L2HGDH: variants seen among roughly 807,000 people sequenced by gnomAD.
The protein encoded by L2HGDH is L-2-hydroxyglutarate dehydrogenase, mitochondrial.
Under a neutral mutation model 51.5 loss-of-function variants are expected in L2HGDH, and 34 were observed. The ratio of observed to expected loss-of-function variants is 0.66; its 90% CI spans 0.50 to 0.88. The LOEUF (loss-of-function observed/expected upper bound fraction) is 0.88. L2HGDH is among the 40% of genes least tolerant of loss of function. The probability of loss-of-function intolerance (pLI) is 0.00; values close to 1 mark genes in which losing one functional copy is unlikely to be tolerated. For missense variants in L2HGDH, 558 were observed against 571.9 expected (o/e 0.98, Z 0.25); for synonymous variants, 198 against 197.9 (o/e 1.00, Z -0.01).
At chr14:50,289,893 C>T (rs554421539) in intron 4 of L2HGDH, among the ~76,000 whole-genome samples, 1 of 152,266 alleles carries the variant, frequency 6.6e-6, no homozygotes, top group Non-Finnish European at 1.5e-5. Context: ...CATTATACTG[C>T]TCACCTTATG....
chr14:50,312,229 C>A lies in L2HGDH; in HGVS notation c.-79G>T. The stretch of plus-strand genomic sequence containing the variant: ...ACGGCCGAGGACCCGCGCTCTTTAG[C>A]CCCGCCCCTCACGCGGGGGCCAATG... On this transcript the variant is annotated 5_prime_UTR_variant, in exon 1 of 10. Coordinates refer to ENST00000267436, the MANE Select transcript of L2HGDH (RefSeq NM_024884.3). The A allele has an allele frequency of 6.4e-7, 1 of 1,565,340 alleles. No individual in the cohort carries two copies. The highest frequency in any genetic ancestry group is 8.6e-7 in the Non-Finnish European group (1 of 1,158,340).
At position 50,296,372 on chromosome 14, in the gene L2HGDH, C is replaced by CAAAA. The variant is rs59868876; in HGVS notation, c.409-2130_409-2127dup. 1.0e-3 allele frequency among the ~76,000 whole-genome samples: 33 copies of CAAAA among 31,432 alleles called. 1 individual carries two copies. Among genetic ancestry groups the CAAAA allele is most frequent in the African/African-American group, 3.8e-3 (29 of 7,676 alleles). The allele number at this position is 31,432 out of a possible 152,430, so 20.6% of individuals were successfully genotyped here. Reference sequence around the variant, plus strand: ...TGGGTGACAAAGTGAGACCCTGTCTCAAAAAAAAAAAAAAAAAAAAAAAAA... The same window carrying CAAAA: ...TGGGTGACAAAGTGAGACCCTGTCTCAAAAAAAAAAAAAAAAAAAAAAAAAAAAA... On this transcript the variant is annotated intron_variant, in intron 3 of 9. Transcript: ENST00000267436.
chr14:50,277,915 G>A (rs1047113415), intron 6 of L2HGDH, among the ~76,000 whole-genome samples: 2 of 152,094 alleles, frequency 1.3e-5, no homozygotes, highest in Non-Finnish European at 2.9e-5. Flanking sequence ...ACTGTCCAGT[G>A]AATTCCAGCT....
chr14:50,291,551 A>C (rs1415002675), intron 4 of L2HGDH, among the ~76,000 whole-genome samples: 1 of 152,208 alleles, frequency 6.6e-6, no homozygotes. Context: ...AAGATGCTAT[A>C]ACCTCTGCAG....
chr14:50,243,448 G>A lies in L2HGDH; in HGVS notation c.*3610C>T. 13 of 879,268 alleles carry A rather than the reference G, an allele frequency of 1.5e-5. No homozygotes were observed. The highest frequency in any genetic ancestry group is 1.8e-5 in the Non-Finnish European group (13 of 733,918). The allele number at this position is 879,268 out of a possible 1,614,324, so 54.5% of individuals were successfully genotyped here. The stretch of plus-strand genomic sequence containing the variant: ...AATTTATTTGCATAAAAGTTTTTAT[G>A]GAACTAAAAAATATGTTCTCTACAA... On this transcript the variant is annotated 3_prime_UTR_variant, in exon 10 of 10. Coordinates refer to ENST00000267436, the MANE Select transcript of L2HGDH (RefSeq NM_024884.3).
chr14:50,250,063 A>G (rs1888255401), intron 9 of L2HGDH, among the ~76,000 whole-genome samples: 1 of 151,752 alleles, frequency 6.6e-6, no homozygotes. Flanking sequence ...CACCACGCCC[A>G]GCTGATTTTT....
At chr14:50,268,429 G>T (rs192732075) in intron 7 of L2HGDH, among the ~76,000 whole-genome samples, 1 of 145,760 alleles carries the variant, frequency 6.9e-6, no homozygotes, top group Admixed American at 6.9e-5. Context: ...GACACTAATA[G>T]ATTGTTCCAT....
intron 6 of L2HGDH, among the ~76,000 whole-genome samples, chr14:50,276,671 C>T (rs1889998188): frequency 6.6e-6 from 1 of 152,138 alleles, no homozygotes; most frequent in African/African-American, 2.4e-5. Context: ...CATGTGAGGA[C>T]ATAGTAAGAA....
Position 50,245,137 on chromosome 14 carries a change from GA to G in L2HGDH, c.*1920del, listed in dbSNP as rs1887941111. On this transcript the variant is annotated 3_prime_UTR_variant, in exon 10 of 10. Coordinates refer to ENST00000267436, the MANE Select transcript of L2HGDH (RefSeq NM_024884.3). ...TACAAAAGTGAATGCCTCAAAGTTA[GA>G]TATTTATCAAAAATGGAAAAATATC... 8.1e-6 allele frequency: 8 copies of G among 985,678 alleles called. No individual in the cohort carries two copies. In the South Asian group the frequency reaches 3.3e-4, roughly 41 times the overall value. 61.1% of individuals were successfully genotyped at this position (985,678 alleles called of 1,614,324 possible).
intron 5 of L2HGDH, among the ~76,000 whole-genome samples, chr14:50,281,375 C>G (rs1890262423): frequency 6.6e-6 from 1 of 152,058 alleles, no homozygotes; most frequent in Non-Finnish European, 1.5e-5. Flanking sequence ...GGAAGATCAC[C>G]TGAGGTTAAG....
At chr14:50,310,313 T>G (rs1334460076) in intron 1 of L2HGDH, among the ~76,000 whole-genome samples, 1 of 152,078 alleles carries the variant, frequency 6.6e-6, no homozygotes, top group Non-Finnish European at 1.5e-5. Context: ...CAAGTGATCC[T>G]CCTGCCTCAG....
rs184585325 is a variant in L2HGDH at position 50,290,418 on chromosome 14, C to G, written c.540+3697G>C. Among the ~76,000 whole-genome samples, 72 of 152,290 alleles carry G rather than the reference C, an allele frequency of 4.7e-4. 1 individual carries two copies. Among genetic ancestry groups the G allele is most frequent in the Non-Finnish European group, 1.5e-5 (1 of 68,030 alleles). ...ACATATTCAAATTTGATTAAATTTCCTAAATTAGTACCTTTTGCCTGTCAG... is the reference window on the plus strand; with the variant it reads ...ACATATTCAAATTTGATTAAATTTCGTAAATTAGTACCTTTTGCCTGTCAG... On this transcript the variant is annotated intron_variant, in intron 4 of 9. Transcript: ENST00000267436.
chr14:50,293,965 C>T, intron 4 of L2HGDH, 150 bp downstream of exon 4: 2 of 907,796 alleles, frequency 2.2e-6, no homozygotes, highest in East Asian at 2.6e-5. Context: ...GAGTTTGTGA[C>T]AATGCCCTCT....
chr14:50,266,662 A>G (rs1388189143), intron 8 of L2HGDH, among the ~76,000 whole-genome samples: 1 of 152,070 alleles, frequency 6.6e-6, no homozygotes, highest in African/African-American at 2.4e-5. Flanking sequence ...TTCAAGTGAG[A>G]CTCTGCAAAG....
rs11849026 is a variant in L2HGDH at position 50,243,839 on chromosome 14, C to A, written c.*3219G>T. ...TAATGCTATCCCTCCCCCCTCCCCC[C>A]ACCCCACAACAGTCCCCAGAGTGTG... On this transcript the variant is annotated 3_prime_UTR_variant, in exon 10 of 10. Coordinates refer to ENST00000267436, the MANE Select transcript of L2HGDH (RefSeq NM_024884.3). 5 of 104,216 alleles carry A rather than the reference C, an allele frequency of 4.8e-5. No individual in the cohort carries two copies. Among genetic ancestry groups the A allele is most frequent in the African/African-American group, 7.4e-5 (2 of 27,094 alleles). The allele number at this position is 104,216 out of a possible 1,614,324, so 6.5% of individuals were successfully genotyped here. A position where few individuals can be genotyped will look rare whatever the true frequency, so the allele number is the denominator to read the frequency against.
At chr14:50,285,551 T>A (rs1890522800) in intron 4 of L2HGDH, among the ~76,000 whole-genome samples, 3 of 152,226 alleles carry the variant, frequency 2.0e-5, no homozygotes, top group Non-Finnish European at 4.4e-5. Context: ...ACAATAATCT[T>A]AGAAGCTCAC....
intron 1 of L2HGDH, among the ~76,000 whole-genome samples, chr14:50,310,539 A>T (rs544095233): frequency 6.6e-6 from 1 of 152,132 alleles, no homozygotes; most frequent in South Asian, 2.1e-4. Flanking sequence ...ACAAAAAAAT[A>T]GGAAAATAAT....
rs1887891662 is a variant in L2HGDH at position 50,243,795 on chromosome 14, T to C, written c.*3263A>G. ...GTGCTGCACCCATTAACTCGTCATT[T>C]AGCATTAGGTATATCTCCTAATGCT... On this transcript the variant is annotated 3_prime_UTR_variant, in exon 10 of 10. Coordinates refer to ENST00000267436, the MANE Select transcript of L2HGDH (RefSeq NM_024884.3). 1 of 148,158 alleles carries C rather than the reference T, an allele frequency of 6.7e-6. No individual in the cohort carries two copies. The highest frequency in any genetic ancestry group is 1.5e-5 in the Non-Finnish European group (1 of 66,826). 9.2% of individuals were successfully genotyped at this position (148,158 alleles called of 1,614,324 possible).
At chr14:50,265,727 A>G (rs1889297745) in intron 8 of L2HGDH, among the ~76,000 whole-genome samples, 1 of 152,158 alleles carries the variant, frequency 6.6e-6, no homozygotes, top group Non-Finnish European at 1.5e-5. Flanking sequence ...CAGCCTGGCC[A>G]ACATGGCAAA....
Sources: allele counts gnomAD v4.1 joint callset (sites outside exome capture counted in the v4.1 genomes callset), GRCh38; gene constraint gnomAD v4.1.1; transcripts MANE v1.5; gene names NCBI Gene and HGNC (gene_info 2026-07-23, HGNC 2026-07-21).